Variants in CPM observed in about 807,000 individuals in gnomAD.
CPM encodes carboxypeptidase M.
In CPM, 35 loss-of-function variants were observed where a neutral mutation model predicts 46.4. The ratio of observed to expected loss-of-function variants is 0.75; its 90% CI spans 0.58 to 1.00. CPM has a LOEUF of 1.00. Among genes scored for constraint, CPM ranks in the 50% least tolerant of loss-of-function variants. The pLI, the probability that CPM is intolerant of heterozygous loss-of-function variation, is 0.00. For missense variants in CPM, 422 were observed against 530.4 expected (o/e 0.80, Z 2.01); for synonymous variants, 195 against 195.3 (o/e 1.00, Z 0.01).
chr12:68,880,499 A>G (rs1886142728), intron 3 of CPM, among the ~76,000 whole-genome samples: 1 of 152,216 alleles, frequency 6.6e-6, no homozygotes, highest in South Asian at 2.1e-4. Context: ...TCCTCTCACC[A>G]AATGGTGCTG....
rs188704455 is a variant in CPM at position 68,856,091 on chromosome 12, C to T, written c.*346G>A. On this transcript the variant is annotated 3_prime_UTR_variant, in exon 9 of 9. Transcript: ENST00000551568. ...AATGTTCATCTTCATTGCTTATATT[C>T]ATCCGGTTCTCTGTATACAAAATGA... 5.6e-4 allele frequency: 137 copies of T among 242,708 alleles called. 1 individual carries two copies. Among genetic ancestry groups the T allele is most frequent in the African/African-American group, 2.9e-3 (131 of 44,852 alleles). 15.0% of individuals were successfully genotyped at this position (242,708 alleles called of 1,614,324 possible). A position where few individuals can be genotyped will look rare whatever the true frequency, so the allele number is the denominator to read the frequency against.
At chr12:68,860,944 G>A (rs1225384346) in intron 7 of CPM, among the ~76,000 whole-genome samples, 1 of 151,262 alleles carries the variant, frequency 6.6e-6, no homozygotes. Flanking sequence ...GCAGTGGTGT[G>A]ATCAGGGCTT....
chr12:68,914,093 C>G (rs1356783991), intron 2 of CPM: 2 of 577,436 alleles, frequency 3.5e-6, no homozygotes, highest in African/African-American at 3.8e-5. Flanking sequence ...TAATTACAAA[C>G]AGAAAATTAT....
intron 2 of CPM, among the ~76,000 whole-genome samples, chr12:68,897,271 G>GTT (rs375358533): frequency 2.2e-5 from 3 of 136,746 alleles, no homozygotes; most frequent in Non-Finnish European, 1.6e-5. Flanking sequence ...TCCCCTTTAG[G>GTT]TTTTTTTTTT....
Position 68,867,015 on chromosome 12 carries a change from T to G in CPM, c.821A>C (p.Gln274Pro), listed in dbSNP as rs1172994241. 1 of 1,614,170 alleles carries G rather than the reference T, an allele frequency of 6.2e-7. No individual in the cohort carries two copies. The highest frequency in any genetic ancestry group is 1.7e-5 in the Admixed American group (1 of 60,020). Residue 274 changes from glutamine to proline, a missense_variant, in exon 7 of 9, where the codon CAG becomes CCG. Physicochemically the swap from Gln to Pro is moderately conservative, Grantham distance 76. Coordinates refer to ENST00000551568, the MANE Select transcript of CPM (RefSeq NM_198320.5). ...GMQDYNYIWA[Q>P]CFEITLELSC... is the part of the protein sequence containing the mutation. The stretch of plus-strand genomic sequence containing the variant: ...CAGCTCCAACGTAATTTCAAAACAC[T>G]GGGCCCAGATGTAGTTGTAATCTTG...
At chr12:68,869,266 CA>C (rs1468715702) in intron 6 of CPM, 58 bp downstream of exon 6, 35 of 1,535,056 alleles carry the variant, frequency 2.3e-5, no homozygotes, top group Non-Finnish European at 3.0e-5. Flanking sequence ...CAAAATAAAC[CA>C]GCTGGCACTT....
At chr12:68,863,320 G>C (rs1178428325) in intron 7 of CPM, among the ~76,000 whole-genome samples, 2 of 152,194 alleles carry the variant, frequency 1.3e-5, no homozygotes, top group Non-Finnish European at 2.9e-5. Flanking sequence ...CAGCAGGCAG[G>C]TAACACCGTG....
At chr12:68,927,730 C>A (rs112461809) in intron 2 of CPM, among the ~76,000 whole-genome samples, 2 of 152,126 alleles carry the variant, frequency 1.3e-5, no homozygotes, top group Non-Finnish European at 2.9e-5. Context: ...CAGTAACAGA[C>A]AAACAGAGAG....
intron 2 of CPM, among the ~76,000 whole-genome samples, chr12:68,924,035 G>A (rs751578580): frequency 2.0e-5 from 3 of 151,662 alleles, no homozygotes; most frequent in Non-Finnish European, 4.4e-5. Context: ...GGGCGGAGGG[G>A]ACAGTGGCTC....
chr12:68,942,977 T>TA (rs1888788239), intron 1 of CPM, among the ~76,000 whole-genome samples: 3 of 152,176 alleles, frequency 2.0e-5, no homozygotes, highest in Admixed American at 6.5e-5. Context: ...ACACCCCAAA[T>TA]AGAGTGAGTG....
chr12:68,938,323 C>T (rs1470172462), intron 1 of CPM, among the ~76,000 whole-genome samples: 1 of 151,758 alleles, frequency 6.6e-6, no homozygotes, highest in Non-Finnish European at 1.5e-5. Flanking sequence ...GATTGCTTGA[C>T]CCCAGGGGTT....
chr12:68,931,763 A>AAAAGAAAGAAAGAAAG (rs1287718409), intron 2 of CPM, among the ~76,000 whole-genome samples: 52 of 132,522 alleles, frequency 3.9e-4, no homozygotes, highest in African/African-American at 1.3e-3. Context: ...AAAAAAAAAA[A>AAAAGAAAGAAAGAAAG]AAAGAAAGAA....
intron 1 of CPM, among the ~76,000 whole-genome samples, chr12:68,944,999 C>G (rs896262955): frequency 2.0e-5 from 3 of 151,860 alleles, no homozygotes; most frequent in Admixed American, 1.3e-4. Context: ...GGCCAGAATA[C>G]AAAAATCTGA....
chr12:68,861,890 G>A (rs1402315385), intron 7 of CPM, among the ~76,000 whole-genome samples: 1 of 113,016 alleles, frequency 8.8e-6, no homozygotes, highest in South Asian at 3.1e-4. Context: ...TACTAGTAAT[G>A]AGTAGTTGGC....
At chr12:68,860,008 T>C (rs971640656) in intron 7 of CPM, among the ~76,000 whole-genome samples, 3 of 152,192 alleles carry the variant, frequency 2.0e-5, no homozygotes, top group Non-Finnish European at 4.4e-5. Context: ...CAAACAGTTA[T>C]GCTCAATAAT....
At chr12:68,856,954 G>A (rs994279570) in intron 8 of CPM, among the ~76,000 whole-genome samples, 7 of 152,194 alleles carry the variant, frequency 4.6e-5, no homozygotes, top group African/African-American at 1.7e-4. Flanking sequence ...AGAGAAGGAA[G>A]CAGCAGATGT....
At chr12:68,960,551 A>T (rs10784736) in intron 1 of CPM, among the ~76,000 whole-genome samples, 1 of 152,064 alleles carries the variant, frequency 6.6e-6, no homozygotes, top group Admixed American at 6.5e-5. Context: ...ATGCTTCTTT[A>T]CTTGTACGAC....
intron 7 of CPM, among the ~76,000 whole-genome samples, chr12:68,866,610 C>T (rs1284109284): frequency 6.6e-6 from 1 of 152,182 alleles, no homozygotes; most frequent in African/African-American, 2.4e-5. Flanking sequence ...TCCCAAAGTG[C>T]TGGGATTACA....
At chr12:68,944,962 T>TC (rs1888822915) in intron 1 of CPM, among the ~76,000 whole-genome samples, 1 of 151,950 alleles carries the variant, frequency 6.6e-6, no homozygotes, top group African/African-American at 2.4e-5. Flanking sequence ...GAGTCATGAG[T>TC]CATGAGTCCA....
Sources: allele counts gnomAD v4.1 joint callset (sites outside exome capture counted in the v4.1 genomes callset), GRCh38; gene constraint gnomAD v4.1.1; transcripts MANE v1.5; gene names NCBI Gene and HGNC (gene_info 2026-07-23, HGNC 2026-07-21).